EMG1: variants seen among roughly 807,000 people sequenced by gnomAD.
EMG1 encodes the protein ribosomal RNA small subunit methyltransferase NEP1.
In EMG1, 24 loss-of-function variants were observed where a neutral mutation model predicts 26.9. The ratio of observed to expected loss-of-function variants is 0.89; its 90% CI spans 0.65 to 1.26. EMG1 has a LOEUF of 1.26. Among genes scored for constraint, EMG1 ranks in the 50% most tolerant of loss-of-function variants. The probability of loss-of-function intolerance (pLI) is 0.00; values close to 1 mark genes in which losing one functional copy is unlikely to be tolerated. For missense variants in EMG1, 299 were observed against 307.6 expected, an observed-to-expected ratio of 0.97 and a Z score of 0.21; for synonymous variants, 140 against 112.6, an observed-to-expected ratio of 1.24 and a Z score of -1.54.
chr12:6,993,161 C>T (rs782037429), downstream of EMG1, among the ~76,000 whole-genome samples: 16 of 152,012 alleles, frequency 1.1e-4, no homozygotes, highest in Admixed American at 2.0e-4. Context: ...AGGTTGTCGC[C>T]GGGCATGGTG....
downstream of EMG1, chr12:6,981,177 G>A (rs782105041): frequency 4.4e-6 from 7 of 1,605,634 alleles, no homozygotes; most frequent in African/African-American, 4.0e-5. Context: ...CAGAGGACAA[G>A]GAATTCTATG....
In EMG1 at chr12:6,977,806, G is replaced by A. The variant is rs1312286286; in HGVS notation, c.*1997G>A. The A allele has an allele frequency of 1.9e-6, 3 of 1,595,434 alleles. No homozygotes were observed. Among genetic ancestry groups the A allele is most frequent in the Non-Finnish European group, 2.6e-6 (3 of 1,166,526 alleles). On this transcript the variant is annotated 3_prime_UTR_variant, in exon 6 of 6. Transcript: ENST00000599672. The surrounding 1 kb of genome is among the most constrained non-coding windows in gnomAD (Gnocchi z 4.5). ...GACTGGTCCTTGCATCCCGCCACCT[G>A]CCTCTGGGTCCTCACCCTGAGGATT...
At chr12:6,988,905 T>G, downstream of EMG1, among the ~76,000 whole-genome samples, 1 of 152,016 alleles carries the variant, frequency 6.6e-6, no homozygotes, top group East Asian at 1.9e-4. Flanking sequence ...GGCAGGCGGA[T>G]CACCTGAGGT....
Position 6,979,309 on chromosome 12 carries a change from A to T in EMG1, c.*3500A>T, listed in dbSNP as rs1285513092. Reference sequence around the variant, plus strand: ...GGTTGTTCAGTGCTGGCTGATGAACATGTCCCAGCACGGCTGGCATTGACA... The same window carrying T: ...GGTTGTTCAGTGCTGGCTGATGAACTTGTCCCAGCACGGCTGGCATTGACA... On this transcript the variant is annotated 3_prime_UTR_variant, in exon 6 of 6. Coordinates refer to ENST00000599672, the MANE Select transcript of EMG1 (RefSeq NM_006331.8). 1.6e-6 allele frequency: 1 copy of T among 627,612 alleles called. No individual in the cohort carries two copies. The highest frequency in any genetic ancestry group is 2.8e-6 in the Non-Finnish European group (1 of 352,056). The allele number at this position is 627,612 out of a possible 1,614,324, so 38.9% of individuals were successfully genotyped here.
downstream of EMG1, chr12:6,982,706 A>G (rs782556629): frequency 1.4e-5 from 22 of 1,613,896 alleles, no homozygotes; most frequent in Admixed American, 3.7e-4. Flanking sequence ...TGAGGACGGC[A>G]GTGATGGTGC....
downstream of EMG1, chr12:6,981,243 T>G: frequency 7.2e-7 from 1 of 1,390,496 alleles, no homozygotes; most frequent in Non-Finnish European, 9.9e-7. Flanking sequence ...AAGAGCCACT[T>G]TGAGTGTTCC....
downstream of EMG1, among the ~76,000 whole-genome samples, chr12:6,983,963 C>T (rs1194850755): frequency 6.6e-6 from 1 of 152,076 alleles, no homozygotes; most frequent in Non-Finnish European, 1.5e-5. Context: ...AGCAACATAG[C>T]GAAACCCCGT....
chr12:6,975,413 G>C, intron 5 of EMG1, 35 bp downstream of exon 5: 1 of 1,555,844 alleles, frequency 6.4e-7, no homozygotes, highest in Non-Finnish European at 8.7e-7. Context: ...ATTCTTGGTA[G>C]AGCTGAACTT....
intron 6 of EMG1, among the ~76,000 whole-genome samples, chr12:6,985,160 G>C (rs1274859142): frequency 6.7e-6 from 1 of 149,562 alleles, no homozygotes; most frequent in Non-Finnish European, 1.5e-5. Context: ...GGGAGGCTGA[G>C]ACGGGCGGAT....
Position 6,975,071 on chromosome 12 carries a change from T to C in EMG1, c.413-19T>C. ...CTGTGGTCTCCATCTAGCTCTGAACTCTTTTTTCCCCCTTCTAGTTCAACT... is the reference window on the plus strand; with the variant it reads ...CTGTGGTCTCCATCTAGCTCTGAACCCTTTTTTCCCCCTTCTAGTTCAACT... On this transcript the variant is annotated intron_variant, in intron 3 of 5. Transcript: ENST00000599672. 1 of 1,613,648 alleles carries C rather than the reference T, an allele frequency of 6.2e-7. No homozygotes were observed. The highest frequency in any genetic ancestry group is 1.1e-5 in the South Asian group (1 of 91,066).
At chr12:6,972,841 T>C (rs1194508782) in intron 1 of EMG1, among the ~76,000 whole-genome samples, 1 of 152,114 alleles carries the variant, frequency 6.6e-6, no homozygotes, top group Non-Finnish European at 1.5e-5. Flanking sequence ...CACTTTTTCT[T>C]TTTTGTTTCT....
downstream of EMG1, chr12:6,981,577 C>G (rs782597502): frequency 1.3e-5 from 21 of 1,613,312 alleles, 1 homozygote; most frequent in East Asian, 8.9e-5. Context: ...ACCTCTCTGC[C>G]GATGAATGGG....
intron 7 of EMG1, among the ~76,000 whole-genome samples, chr12:6,995,170 A>G (rs1478422509): frequency 6.6e-6 from 1 of 151,746 alleles, no homozygotes; most frequent in East Asian, 1.9e-4. Flanking sequence ...CAGGTCACAC[A>G]ACATTCAAAA....
At chr12:6,981,988 C>G (rs1423721738), downstream of EMG1, 3 of 776,876 alleles carry the variant, frequency 3.9e-6, no homozygotes, top group South Asian at 4.5e-5. Context: ...TTCCTTTTTC[C>G]TTTCTCCTCA....
At chr12:6,974,300 A>G in intron 1 of EMG1, 39 bp from the exon 2 acceptor site, 2 of 1,467,542 alleles carry the variant, frequency 1.4e-6, no homozygotes, top group Middle Eastern at 1.8e-4. Flanking sequence ...AGGTAACAGA[A>G]GCTTATGCTG....
At chr12:6,983,080 C>T (rs1313828986), downstream of EMG1, 2 of 536,768 alleles carry the variant, frequency 3.7e-6, no homozygotes, top group Non-Finnish European at 6.9e-6. Context: ...TTCCGGGCTA[C>T]CACACCCAGC....
At chr12:6,982,787 A>T, downstream of EMG1, 1 of 1,597,222 alleles carries the variant, frequency 6.3e-7, no homozygotes, top group East Asian at 2.2e-5. Context: ...GGTTTCCTGG[A>T]TGCAAGAAGA....
downstream of EMG1, chr12:6,979,994 A>G (rs909302459): frequency 6.2e-6 from 1 of 162,002 alleles, no homozygotes; most frequent in Admixed American, 6.5e-5. Context: ...ACAAGTTCTC[A>G]GTGAAGGAAT....
chr12:6,994,267 G>A (rs1946615972), intron 7 of EMG1, among the ~76,000 whole-genome samples: 1 of 152,168 alleles, frequency 6.6e-6, no homozygotes, highest in South Asian at 2.1e-4. Flanking sequence ...AAGTGCAGTG[G>A]CATGATCTTG....
Sources: allele counts gnomAD v4.1 joint callset (sites outside exome capture counted in the v4.1 genomes callset), GRCh38; gene constraint gnomAD v4.1.1; non-coding constraint Gnocchi (gnomAD v3.1); transcripts MANE v1.5; gene names NCBI Gene and HGNC (gene_info 2026-07-23, HGNC 2026-07-21).